Variants in SNW1 observed in about 807,000 individuals in gnomAD.
SNW1 encodes the protein SNW domain containing 1.
A neutral mutation model predicts 75.6 loss-of-function variants in SNW1; 9 were observed. The ratio of observed to expected loss-of-function variants is 0.12; its 90% confidence interval spans 0.07 to 0.21. The LOEUF (loss-of-function observed/expected upper bound fraction) is 0.21, where lower values mean the gene tolerates loss of function less well. Among genes scored for constraint, SNW1 ranks in the 10% least tolerant of loss-of-function variants. The pLI, the probability that SNW1 is intolerant of heterozygous loss-of-function variation, is 1.00. For missense variants in SNW1, 409 were observed against 670.9 expected (o/e 0.61, Z 4.31); for synonymous variants, 200 against 219.1 (o/e 0.91, Z 0.77).
rs565141216 is a variant in SNW1, at chr14:77,717,902, T to TA, written c.*185dup. Reference sequence around the variant, plus strand: ...AGAAGCACAAACACAACCCACTCTTTAAAAAAAACTAAATAATTCAAAGTA... The same window carrying TA: ...AGAAGCACAAACACAACCCACTCTTTAAAAAAAAACTAAATAATTCAAAGTA... On this transcript the variant is annotated 3_prime_UTR_variant, in exon 14 of 14. Transcript: ENST00000261531. The TA allele has an allele frequency of 1.3e-4, 74 of 565,490 alleles. No individual in the cohort carries two copies. Among genetic ancestry groups the TA allele is most frequent in the South Asian group, 9.7e-4 (32 of 33,004 alleles). 35.0% of individuals were successfully genotyped at this position (565,490 alleles called of 1,614,324 possible). A position where few individuals can be genotyped will look rare whatever the true frequency, so the allele number is the denominator to read the frequency against.
chr14:77,733,275 A>C (rs544529604), intron 8 of SNW1, among the ~76,000 whole-genome samples: 26 of 152,288 alleles, frequency 1.7e-4, no homozygotes, highest in African/African-American at 6.3e-4. Flanking sequence ...TTGTGTTAAT[A>C]ATTGTCGATT....
At position 77,720,747 on chromosome 14, in the gene SNW1, T is replaced by C. The variant is rs2080533160; in HGVS notation, c.1212A>G (p.Glu404=). ...LGVPNPRTSN[E]VQYDQRLFNQ... is the part of the protein sequence containing the mutation. ...TGAAGAGCCTTTGGTCATACTGAACTTCATTGGAAGTCCGAGGATTAGGAA... is the reference window on the plus strand; with the variant it reads ...TGAAGAGCCTTTGGTCATACTGAACCTCATTGGAAGTCCGAGGATTAGGAA... Residue 404 remains glutamate, a synonymous_variant, in exon 12 of 14, where the codon GAA becomes GAG. Coordinates refer to ENST00000261531, the MANE Select transcript of SNW1 (RefSeq NM_012245.3). 1 of 1,613,874 alleles carries C rather than the reference T, an allele frequency of 6.2e-7. No individual in the cohort carries two copies. The highest frequency in any genetic ancestry group is 8.5e-7 in the Non-Finnish European group (1 of 1,179,776).
At chr14:77,738,639 G>T in intron 5 of SNW1, 139 bp downstream of exon 5, 2 of 656,424 alleles carry the variant, frequency 3.0e-6, no homozygotes, top group South Asian at 1.9e-5. Context: ...TGTCTGCAAA[G>T]ACAGTAGACA....
At chr14:77,724,205 A>G (rs145671185) in intron 10 of SNW1, among the ~76,000 whole-genome samples, 55 of 152,176 alleles carry the variant, frequency 3.6e-4, no homozygotes, top group Non-Finnish European at 6.5e-4. Flanking sequence ...TTTATTTTTG[A>G]TATATAATCA....
intron 3 of SNW1, among the ~76,000 whole-genome samples, chr14:77,747,639 G>C (rs1354515250): frequency 6.7e-6 from 1 of 150,324 alleles, no homozygotes; most frequent in African/African-American, 2.5e-5. Flanking sequence ...CCCTCCGCCC[G>C]GCAGCCGTCC....
intron 6 of SNW1, 124 bp from the exon 7 acceptor site, chr14:77,736,130 TG>T (rs2080669462): frequency 1.6e-6 from 1 of 638,260 alleles, no homozygotes; most frequent in Admixed American, 3.0e-5. Flanking sequence ...GACTGTATAA[TG>T]ATATACATTT....
chr14:77,734,590 T>C (rs972406734), intron 8 of SNW1, among the ~76,000 whole-genome samples: 1 of 152,124 alleles, frequency 6.6e-6, no homozygotes, highest in African/African-American at 2.4e-5. Context: ...TACGAAAAAT[T>C]AGCCGGACGT....
intron 10 of SNW1, among the ~76,000 whole-genome samples, chr14:77,724,414 T>C (rs1322139629): frequency 3.5e-4 from 53 of 152,156 alleles, no homozygotes. Context: ...TACAATAAAT[T>C]ATCACTAACT....
chr14:77,745,681 T>G lies in SNW1; in HGVS notation c.330+5638A>C, dbSNP rs567835318. Among the ~76,000 whole-genome samples the G allele has an allele frequency of 1.7e-3, 259 of 152,232 alleles. 2 individuals carry two copies. The Middle Eastern group carries it at 0.024, about 14-fold the overall frequency. On this transcript the variant is annotated intron_variant, in intron 3 of 13. Coordinates refer to ENST00000261531, the MANE Select transcript of SNW1 (RefSeq NM_012245.3). ...GAGATTGCCCTACTGCACTCCAGCC[T>G]GGGGGACAAAGCAAGATTTGGTCTC...
intron 10 of SNW1, among the ~76,000 whole-genome samples, chr14:77,727,268 G>A (rs546929435): frequency 6.6e-6 from 1 of 152,230 alleles, no homozygotes; most frequent in Non-Finnish European, 1.5e-5. Context: ...TGGCCAGGCT[G>A]GTCTTGAACT....
At chr14:77,729,371 C>T (rs2080610780) in intron 10 of SNW1, among the ~76,000 whole-genome samples, 1 of 152,146 alleles carries the variant, frequency 6.6e-6, no homozygotes, top group South Asian at 2.1e-4. Context: ...AATCCACAAA[C>T]AAATTTTGTC....
rs2080667447 is a variant in SNW1, at chr14:77,735,917, T to C, written c.708+20A>G. 6.2e-7 allele frequency: 1 copy of C among 1,604,166 alleles called. No homozygotes were observed. ...TAACCATGAGTAGAAAAAAATATTT[T>C]GGACTACAGCAAAGAATACCTTTCG... is the stretch of plus-strand genomic sequence containing the variant. On this transcript the variant is annotated intron_variant, in intron 7 of 13. Coordinates refer to ENST00000261531, the MANE Select transcript of SNW1 (RefSeq NM_012245.3).
chr14:77,739,999 T>C (rs976222559), intron 3 of SNW1, among the ~76,000 whole-genome samples: 1 of 151,838 alleles, frequency 6.6e-6, no homozygotes, highest in African/African-American at 2.4e-5. Flanking sequence ...CCAGTTGTGG[T>C]GGCAGGCGCC....
At chr14:77,741,096 C>CA (rs60307573) in intron 3 of SNW1, among the ~76,000 whole-genome samples, 1,195 of 87,198 alleles carry the variant, frequency 0.014, 24 homozygotes, top group African/African-American at 0.039. Flanking sequence ...AAACTGTCTC[C>CA]AAAAAAAAAA....
intron 5 of SNW1, among the ~76,000 whole-genome samples, chr14:77,738,130 C>T (rs1156298370): frequency 6.6e-6 from 1 of 151,602 alleles, no homozygotes; most frequent in Non-Finnish European, 1.5e-5. Context: ...ATGGTGAAAC[C>T]CTGTCTCTAC....
chr14:77,725,722 AC>A (rs1353182742), intron 10 of SNW1, among the ~76,000 whole-genome samples: 1 of 152,060 alleles, frequency 6.6e-6, no homozygotes. Flanking sequence ...GGTTGAGACC[AC>A]CCTGGGTGTA....
intron 10 of SNW1, among the ~76,000 whole-genome samples, chr14:77,724,765 T>C (rs117921602): frequency 0.013 from 2,024 of 152,354 alleles, 17 homozygotes; most frequent in Non-Finnish European, 0.019. Context: ...GGACACAACT[T>C]GATTCCGTAT....
At chr14:77,756,245 C>T (rs183118282) in intron 1 of SNW1, among the ~76,000 whole-genome samples, 1 of 152,112 alleles carries the variant, frequency 6.6e-6, no homozygotes, top group African/African-American at 2.4e-5. Flanking sequence ...CTCAGCCTCC[C>T]GAGTAGCTGG....
At chr14:77,723,298 T>C (rs1343201635) in intron 10 of SNW1, 21 bp from the exon 11 acceptor site, 1 of 1,542,264 alleles carries the variant, frequency 6.5e-7, no homozygotes, top group Admixed American at 1.7e-5. Context: ...AGTTGAAAAG[T>C]ACTTCACTGT....
Sources: allele counts gnomAD v4.1 joint callset (sites outside exome capture counted in the v4.1 genomes callset), GRCh38; gene constraint gnomAD v4.1.1; transcripts MANE v1.5; gene names NCBI Gene and HGNC (gene_info 2026-07-23, HGNC 2026-07-21).